ZFAT: variants seen among roughly 807,000 people sequenced by gnomAD.
ZFAT encodes zinc finger and AT-hook domain containing.
In ZFAT, 64 loss-of-function variants were observed where a neutral mutation model predicts 117.7. That is an observed-to-expected ratio of 0.54 (90% CI 0.44 to 0.67). ZFAT has a LOEUF of 0.67. ZFAT is among the 30% of genes least tolerant of loss of function. ZFAT has a pLI of 0.00. For missense variants in ZFAT, 1,433 were observed against 1,584.5 expected (o/e 0.90, Z 1.62); for synonymous variants, 679 against 615.0 (o/e 1.10, Z -1.54).
At chr8:134,816,115 G>T in the ZFAT span, among the ~76,000 whole-genome samples, 5 of 152,146 alleles carry the variant, frequency 3.3e-5, no homozygotes, top group Admixed American at 1.3e-4. Context: ...ACTAGTCCAG[G>T]CTCTTTACAC....
chr8:134,802,507 A>G, the ZFAT span, among the ~76,000 whole-genome samples: 2 of 152,220 alleles, frequency 1.3e-5, no homozygotes, highest in South Asian at 4.1e-4. Flanking sequence ...CAAGTCCAAC[A>G]GTGTATTTAT....
At chr8:134,746,609 C>G in the ZFAT span, among the ~76,000 whole-genome samples, 1 of 152,118 alleles carries the variant, frequency 6.6e-6, no homozygotes, top group Non-Finnish European at 1.5e-5. Flanking sequence ...TTTTCATTTC[C>G]TTTCTGCCCT....
chr8:134,514,709 T>C (rs1043456550), intron 13 of ZFAT, among the ~76,000 whole-genome samples: 1 of 152,220 alleles, frequency 6.6e-6, no homozygotes, highest in African/African-American at 2.4e-5. Context: ...TTTAAAAGAA[T>C]GTTTATAAAA....
the ZFAT span, among the ~76,000 whole-genome samples, chr8:134,809,984 C>T: frequency 3.9e-5 from 6 of 152,076 alleles, no homozygotes; most frequent in African/African-American, 1.4e-4. Context: ...CCACTTAGAA[C>T]AAGAGAATCT....
chr8:134,779,208 G>C, the ZFAT span, among the ~76,000 whole-genome samples: 1 of 151,680 alleles, frequency 6.6e-6, no homozygotes, highest in South Asian at 2.1e-4. Flanking sequence ...CCGCAGGACA[G>C]TGAGTCTCAA....
At chr8:134,525,881 T>A (rs1187473335) in intron 12 of ZFAT, among the ~76,000 whole-genome samples, 1 of 152,372 alleles carries the variant, frequency 6.6e-6, no homozygotes, top group East Asian at 1.9e-4. Context: ...AAGTCAAACA[T>A]ACTGTGCTGT....
chr8:134,580,172 G>A (rs1208047978), intron 10 of ZFAT, among the ~76,000 whole-genome samples: 1 of 152,160 alleles, frequency 6.6e-6, no homozygotes, highest in Non-Finnish European at 1.5e-5. Flanking sequence ...GATGAGGAAA[G>A]TGAGGTTCAG....
rs1220427653 is a variant in ZFAT at position 134,653,283 on chromosome 8, A to C, written c.196+4278T>G. ...AAATGTCTTTTTTAAAAAAAAAAAA[A>C]AAAAAAAACAAAAAACAGGGTCTCA... On this transcript the variant is annotated intron_variant, in intron 2 of 15. Coordinates refer to ENST00000377838, the MANE Select transcript of ZFAT (RefSeq NM_020863.4). 2.0e-4 allele frequency among the ~76,000 whole-genome samples: 23 copies of C among 116,204 alleles called. No individual in the cohort carries two copies. The East Asian group carries it at 3.3e-3, about 17-fold the overall frequency. 76.2% of individuals were successfully genotyped at this position (116,204 alleles called of 152,430 possible).
chr8:134,533,946 G>A (rs948858089), intron 11 of ZFAT, among the ~76,000 whole-genome samples: 6 of 152,306 alleles, frequency 3.9e-5, no homozygotes, highest in East Asian at 3.9e-4. Context: ...GTATGATTCC[G>A]ACAGTGCTCC....
At chr8:134,514,664 A>G (rs1394469166) in intron 13 of ZFAT, among the ~76,000 whole-genome samples, 1 of 152,200 alleles carries the variant, frequency 6.6e-6, no homozygotes, top group Non-Finnish European at 1.5e-5. Flanking sequence ...CAGAGGATTC[A>G]AAGTTAAGTC....
chr8:134,532,874 C>T lies in ZFAT; in HGVS notation c.3075G>A (p.Val1025=), dbSNP rs1163971585. 1 of 1,609,754 alleles carries T rather than the reference C, an allele frequency of 6.2e-7. No individual in the cohort carries two copies. Among genetic ancestry groups the T allele is most frequent in the Non-Finnish European group, 8.5e-7 (1 of 1,178,100 alleles). Reference sequence around the variant, plus strand: ...CCTCCGCTGCCAGCTCCCCGGTGCCCACGTTGGCATACTCCTCATTAGGGT... The same window carrying T: ...CCTCCGCTGCCAGCTCCCCGGTGCCTACGTTGGCATACTCCTCATTAGGGT... ...RKHPNEEYAN[V]GTGELAAEVL... Residue 1025 remains valine (V), a synonymous_variant, in exon 12 of 16, where the codon GTG becomes GTA. Transcript: ENST00000377838.
intron 5 of ZFAT, 52 bp from the exon 6 acceptor site, chr8:134,602,985 T>C: frequency 3.2e-6 from 5 of 1,555,418 alleles, no homozygotes; most frequent in South Asian, 1.3e-5. Context: ...ATGTTCCTCA[T>C]GAACTCTACA....
chr8:134,692,156 C>T (rs148873916), intron 1 of ZFAT, among the ~76,000 whole-genome samples: 238 of 152,286 alleles, frequency 1.6e-3, no homozygotes, highest in African/African-American at 5.5e-3. Context: ...TCATTCTTAA[C>T]GCTCATTTTC....
At chr8:134,738,223 C>G in the ZFAT span, among the ~76,000 whole-genome samples, 1 of 152,108 alleles carries the variant, frequency 6.6e-6, no homozygotes, top group Non-Finnish European at 1.5e-5. Flanking sequence ...CTCAAGTTTC[C>G]TTGAATGGCC....
At chr8:134,680,228 C>T (rs1370228842) in intron 1 of ZFAT, among the ~76,000 whole-genome samples, 1 of 146,470 alleles carries the variant, frequency 6.8e-6, no homozygotes, top group Non-Finnish European at 1.5e-5. Context: ...CACCACTGTA[C>T]TCCAGCCTGG....
rs1038132506 is a variant in ZFAT at position 134,600,598 on chromosome 8, A to G, written c.2313T>C (p.Tyr771=). The change falls in exon 7 of 16, where the codon TAT becomes TAC. Residue 771 remains tyrosine (Y), a synonymous_variant. Coordinates refer to ENST00000377838, the MANE Select transcript of ZFAT (RefSeq NM_020863.4). ...VRTHTREHLY[Y]CSQCHYSSIT... ...TGGAAGAATAATGACACTGAGAGCAATAATACAGATGTTCCCGGGTGTGGG... is the reference window on the plus strand; with the variant it reads ...TGGAAGAATAATGACACTGAGAGCAGTAATACAGATGTTCCCGGGTGTGGG... 3.7e-6 allele frequency: 6 copies of G among 1,613,944 alleles called. No homozygotes were observed. The highest frequency in any genetic ancestry group is 1.6e-4 in the Middle Eastern group (1 of 6,084).
upstream of ZFAT, among the ~76,000 whole-genome samples, chr8:134,716,255 AATC>A (rs1256679745): frequency 6.6e-6 from 1 of 152,166 alleles, no homozygotes; most frequent in Admixed American, 6.5e-5. Context: ...AGGTGGGAAT[AATC>A]AGTTTGGGTT....
chr8:134,685,415 C>T (rs748059826), intron 1 of ZFAT, among the ~76,000 whole-genome samples: 6 of 152,154 alleles, frequency 3.9e-5, no homozygotes, highest in East Asian at 1.9e-4. Context: ...CCACAGCCAG[C>T]GTCATGGTTA....
chr8:134,777,474 T>C, the ZFAT span, among the ~76,000 whole-genome samples: 1 of 152,202 alleles, frequency 6.6e-6, no homozygotes, highest in Non-Finnish European at 1.5e-5. Context: ...ACTGTGTGGA[T>C]GGGAACATTG....
Sources: gnomAD v4.1 joint callset for allele counts (sites outside exome capture counted in the v4.1 genomes callset) on GRCh38, gnomAD v4.1.1 for gene constraint, MANE v1.5 for transcripts, NCBI Gene and HGNC (gene_info 2026-07-23, HGNC 2026-07-21) for gene names.